The following DMD variants were observed in gnomAD, a reference collection of about 807,000 sequenced individuals.
DMD encodes mutant dystrophin.
In DMD, 63 loss-of-function variants were observed where a neutral mutation model predicts 330.1. The observed-to-expected ratio is 0.19, with a 90% CI of 0.16 to 0.24. DMD has a LOEUF of 0.24. Ranked by LOEUF, DMD falls within the 10% of genes least tolerant of loss-of-function variation. The probability of loss-of-function intolerance (pLI) is 1.00; values close to 1 mark genes in which losing one functional copy is unlikely to be tolerated. For synonymous variants in DMD, 1,223 were observed against 959.8 expected (o/e 1.27, Z -5.07); for missense variants, 3,344 against 2,684.1 (o/e 1.25, Z -5.43).
chrX:31,453,765 C>CAAAAAAAAAAA (rs760511403), intron 59 of DMD, among the ~76,000 whole-genome samples: 18 of 8,976 alleles, frequency 2.0e-3, no homozygotes, highest in Admixed American at 2.4e-3. Context: ...AAAAAACAAG[C>CAAAAAAAAAAA]AAAAAAAAAA....
At chrX:32,509,143 G>C (rs1039003321) in intron 18 of DMD, among the ~76,000 whole-genome samples, 2 of 101,626 alleles carry the variant, frequency 2.0e-5, no homozygotes, top group African/African-American at 3.6e-5. Context: ...GATGATGAGA[G>C]TACCTTGTTC....
chrX:32,433,371 A>G (rs954023283), intron 29 of DMD, among the ~76,000 whole-genome samples: 2 of 111,823 alleles, frequency 1.8e-5, no homozygotes, highest in Admixed American at 1.9e-4. Flanking sequence ...TTTCTGTAGA[A>G]TGGGAATATG....
At chrX:32,772,029 C>T (rs746454422) in intron 7 of DMD, among the ~76,000 whole-genome samples, 6 of 111,908 alleles carry the variant, frequency 5.4e-5, no homozygotes, top group Non-Finnish European at 1.1e-4. Context: ...ACACCTGAAA[C>T]CGGTACAGAA....
chrX:32,528,248 G>T (rs372171538), intron 17 of DMD, among the ~76,000 whole-genome samples: 1 of 110,959 alleles, frequency 9.0e-6, no homozygotes, highest in Non-Finnish European at 1.9e-5. Context: ...GGCAGAAGTT[G>T]CAGTGAGCCA....
At chrX:32,619,130 T>G (rs1336622438) in intron 11 of DMD, among the ~76,000 whole-genome samples, 5 of 111,294 alleles carry the variant, frequency 4.5e-5, no homozygotes, top group African/African-American at 1.6e-4. Flanking sequence ...TATTCAGCCA[T>G]AAAAAAGAAT....
At chrX:32,925,716 C>T (rs533612119) in intron 2 of DMD, among the ~76,000 whole-genome samples, 49 of 111,973 alleles carry the variant, frequency 4.4e-4, no homozygotes, top group African/African-American at 1.5e-3. Flanking sequence ...ACTTTAATCA[C>T]CACATGTCTA....
In DMD at chrX:31,589,507, G is replaced by A. The variant is rs1336681229; in HGVS notation, c.8217+38166C>T. Among the ~76,000 whole-genome samples the A allele has an allele frequency of 8.1e-5, 9 of 111,581 alleles. No individual in the cohort carries two copies. The Admixed American group carries it at 8.6e-4, about 11-fold the overall frequency. ...ATGCATCAGGATAAAGGAATGAGCT[G>A]TTGGCATTCTTAGTTGAAACTCTGA... On this transcript the variant is annotated intron_variant, in intron 55 of 78. Coordinates refer to ENST00000357033, the MANE Select transcript of DMD (RefSeq NM_004006.3).
intron 1 of DMD, among the ~76,000 whole-genome samples, chrX:33,241,157 C>T (rs1190620375): frequency 9.0e-6 from 1 of 111,551 alleles, no homozygotes; most frequent in Non-Finnish European, 1.9e-5. Context: ...TGGAGACTTC[C>T]CTTATGTTTC....
intron 61 of DMD, among the ~76,000 whole-genome samples, chrX:31,341,892 C>T (rs1301562807): frequency 1.2e-3 from 32 of 26,283 alleles, no homozygotes; most frequent in African/African-American, 4.1e-3. Context: ...TGCGCGCGCG[C>T]ACACACACAC....
intron 30 of DMD, among the ~76,000 whole-genome samples, chrX:32,392,251 T>C (rs1329531905): frequency 1.8e-5 from 2 of 110,885 alleles, no homozygotes; most frequent in South Asian, 3.8e-4. Flanking sequence ...GCTTTATTTA[T>C]TTATTTAGTT....
intron 44 of DMD, among the ~76,000 whole-genome samples, chrX:32,216,203 T>A (rs2097111790): frequency 8.9e-6 from 1 of 112,042 alleles, no homozygotes; most frequent in Non-Finnish European, 1.9e-5. Flanking sequence ...AATAATTAAG[T>A]CTTCGTGTAA....
At chrX:31,475,525 C>A (rs2067678756) in intron 59 of DMD, among the ~76,000 whole-genome samples, 1 of 112,225 alleles carries the variant, frequency 8.9e-6, no homozygotes, top group Non-Finnish European at 1.9e-5. Flanking sequence ...ATTTAATTGA[C>A]ATATTAACTA....
intron 43 of DMD, among the ~76,000 whole-genome samples, chrX:32,235,099 ATAT>A (rs768419501): frequency 4.8e-4 from 54 of 111,489 alleles, no homozygotes; most frequent in Non-Finnish European, 7.1e-4. Flanking sequence ...CACATTATTT[ATAT>A]TATTATCACA....
chrX:32,194,184 G>C (rs753819056), intron 44 of DMD, among the ~76,000 whole-genome samples: 1 of 112,095 alleles, frequency 8.9e-6, no homozygotes, highest in African/African-American at 3.2e-5. Flanking sequence ...ATATAATTTT[G>C]AAAACAAACT....
chrX:33,004,951 A>C (rs2093362409), intron 2 of DMD, among the ~76,000 whole-genome samples: 1 of 111,279 alleles, frequency 9.0e-6, no homozygotes, highest in Admixed American at 9.6e-5. Context: ...TTTGCCTGTA[A>C]ATTTTATAGT....
At chrX:31,569,660 G>A (rs2075698108) in intron 55 of DMD, among the ~76,000 whole-genome samples, 2 of 86,578 alleles carry the variant, frequency 2.3e-5, no homozygotes, top group African/African-American at 4.0e-5. Flanking sequence ...GTATATATAC[G>A]TATATATACG....
At chrX:32,237,406 A>T (rs1168855710) in intron 43 of DMD, among the ~76,000 whole-genome samples, 1 of 110,563 alleles carries the variant, frequency 9.0e-6, no homozygotes, top group South Asian at 3.8e-4. Flanking sequence ...TTCTTCTCCA[A>T]TCTGTACAGG....
intron 2 of DMD, among the ~76,000 whole-genome samples, chrX:32,913,966 GT>G (rs2087542009): frequency 9.0e-6 from 1 of 111,488 alleles, no homozygotes; most frequent in African/African-American, 3.3e-5. Flanking sequence ...GTTTTCCCCC[GT>G]TTTTCCTTAC....
intron 7 of DMD, among the ~76,000 whole-genome samples, chrX:32,778,562 T>G (rs770700941): frequency 3.6e-5 from 4 of 112,266 alleles, no homozygotes; most frequent in Non-Finnish European, 7.5e-5. Flanking sequence ...GACATGAGTC[T>G]TATTAGACTA....
Sources: allele counts gnomAD v4.1 joint callset (sites outside exome capture counted in the v4.1 genomes callset), GRCh38; gene constraint gnomAD v4.1.1; transcripts MANE v1.5; gene names NCBI Gene and HGNC (gene_info 2026-07-23, HGNC 2026-07-21).